Variants in DMXL2 observed in about 807,000 individuals in gnomAD.
DMXL2 encodes the protein dmX-like protein 2.
A neutral mutation model predicts 331.1 loss-of-function variants in DMXL2; 103 were observed. The ratio of observed to expected loss-of-function variants is 0.31; its 90% CI spans 0.27 to 0.37. The LOEUF (loss-of-function observed/expected upper bound fraction) is 0.37, where lower values mean the gene tolerates loss of function less well. Among genes scored for constraint, DMXL2 ranks in the 10% least tolerant of loss-of-function variants. The pLI, the probability that DMXL2 is intolerant of heterozygous loss-of-function variation, is 1.00. For missense variants in DMXL2, 3,171 were observed against 3,642.9 expected (o/e 0.87, Z 3.33); for synonymous variants, 1,281 against 1,252.1 (o/e 1.02, Z -0.49).
At position 51,606,247 on chromosome 15, in the gene DMXL2, G is replaced by A. The variant is rs562812324; in HGVS notation, c.87+16212C>T. Among the ~76,000 whole-genome samples the A allele has an allele frequency of 7.9e-5, 12 of 152,152 alleles. No homozygotes were observed. The South Asian group carries it at 1.7e-3, about 21-fold the overall frequency. The stretch of plus-strand genomic sequence containing the variant: ...GTGAGATGGGAGTTTTGTTCTTGTC[G>A]CCCAGGCTGGAGTGCAGTGGCGCGA... On this transcript the variant is annotated intron_variant, in intron 1 of 43. Transcript: ENST00000560891.
chr15:51,483,198 C>T (rs1046647737), intron 23 of DMXL2, among the ~76,000 whole-genome samples: 31 of 152,326 alleles, frequency 2.0e-4, no homozygotes, highest in Middle Eastern at 6.8e-3. Flanking sequence ...GGCACTGACC[C>T]AGATTAGGAG....
At chr15:51,460,619 T>C (rs774898507) in intron 33 of DMXL2, 15 of 153,918 alleles carry the variant, frequency 9.7e-5, no homozygotes, top group Non-Finnish European at 1.9e-4. Context: ...GCACCCAGCA[T>C]TTTTAGGATT....
chr15:51,563,989 G>T, intron 5 of DMXL2, 136 bp downstream of exon 5: 1 of 874,058 alleles, frequency 1.1e-6, no homozygotes, highest in Non-Finnish European at 1.7e-6. Flanking sequence ...ATGGGTTTTG[G>T]TTAGAAAAAA....
chr15:51,548,207 C>A (rs2048997174), intron 6 of DMXL2, among the ~76,000 whole-genome samples: 1 of 152,030 alleles, frequency 6.6e-6, no homozygotes, highest in Admixed American at 6.6e-5. Context: ...ATAAAAACTG[C>A]ATTAAAGGGA....
intron 1 of DMXL2, among the ~76,000 whole-genome samples, chr15:51,577,871 A>G (rs2051150872): frequency 6.6e-6 from 1 of 152,188 alleles, no homozygotes; most frequent in African/African-American, 2.4e-5. Flanking sequence ...AATGAAGCAA[A>G]TAATACTTGT....
At chr15:51,616,969 C>T (rs1297552899) in intron 1 of DMXL2, among the ~76,000 whole-genome samples, 1 of 145,228 alleles carries the variant, frequency 6.9e-6, no homozygotes, top group Non-Finnish European at 1.5e-5. Flanking sequence ...AACTGACAAG[C>T]TAGAGAAGTC....
At chr15:51,495,285 CAA>C (rs1354230510) in intron 18 of DMXL2, 151 bp from the exon 19 acceptor site, 6 of 425,396 alleles carry the variant, frequency 1.4e-5, no homozygotes, top group African/African-American at 1.0e-4. Context: ...AACGTCTTTA[CAA>C]AAAATTATCT....
intron 6 of DMXL2, among the ~76,000 whole-genome samples, chr15:51,552,829 ACTC>A (rs2049305608): frequency 6.6e-6 from 1 of 152,070 alleles, no homozygotes; most frequent in Non-Finnish European, 1.5e-5. Flanking sequence ...TTGCCAGAGA[ACTC>A]CTGACTGTCT....
In DMXL2 at chr15:51,605,795, G is replaced by A. The variant is rs868849914; in HGVS notation, c.87+16664C>T. ...CCTGACCTCATGATCCACCCGCCTC[G>A]GCCTCCCAAAGTGCTGGGATTACAG... On this transcript the variant is annotated intron_variant, in intron 1 of 43. Transcript: ENST00000560891. Among the ~76,000 whole-genome samples the A allele has an allele frequency of 1.8e-3, 78 of 42,432 alleles. 17 individuals carry two copies. Among genetic ancestry groups the A allele is most frequent in the African/African-American group, 4.9e-3 (73 of 14,948 alleles). 27.8% of individuals were successfully genotyped at this position (42,432 alleles called of 152,430 possible).
At chr15:51,509,625 G>A (rs2046630256) in intron 15 of DMXL2, among the ~76,000 whole-genome samples, 1 of 152,106 alleles carries the variant, frequency 6.6e-6, no homozygotes, top group South Asian at 2.1e-4. Context: ...TCTACCAGAG[G>A]TACAAAGAGG....
chr15:51,532,562 T>A (rs960962041), intron 13 of DMXL2, among the ~76,000 whole-genome samples: 1 of 152,194 alleles, frequency 6.6e-6, no homozygotes, highest in African/African-American at 2.4e-5. Context: ...AGGATAAATG[T>A]ATGCGGTGAT....
At chr15:51,571,731 A>G (rs1290598941) in intron 2 of DMXL2, among the ~76,000 whole-genome samples, 2 of 152,242 alleles carry the variant, frequency 1.3e-5, no homozygotes, top group East Asian at 3.8e-4. Context: ...ATGTTCTCTG[A>G]AACCAATGAG....
At chr15:51,556,544 A>G (rs559011664) in intron 6 of DMXL2, among the ~76,000 whole-genome samples, 9 of 151,890 alleles carry the variant, frequency 5.9e-5, no homozygotes, top group African/African-American at 2.2e-4. Context: ...AGGCCGAGGC[A>G]GGTGGATCAT....
At chr15:51,513,011 G>A (rs1373158264) in intron 15 of DMXL2, among the ~76,000 whole-genome samples, 1 of 151,992 alleles carries the variant, frequency 6.6e-6, no homozygotes, top group Non-Finnish European at 1.5e-5. Context: ...ACAAAATAAA[G>A]CAGAGGCAGA....
chr15:51,577,808 C>T (rs944433240), intron 1 of DMXL2, among the ~76,000 whole-genome samples: 7 of 152,120 alleles, frequency 4.6e-5, no homozygotes, highest in African/African-American at 1.7e-4. Context: ...TTATGCCATG[C>T]TGTGCTATCT....
chr15:51,450,062 G>T (rs2038998533), intron 43 of DMXL2, 67 bp downstream of exon 43: 1 of 1,385,274 alleles, frequency 7.2e-7, no homozygotes. Flanking sequence ...TTCAAAGAAT[G>T]TGGAGTTTTT....
At chr15:51,575,971 A>C in intron 2 of DMXL2, 85 bp downstream of exon 2, 6 of 1,361,532 alleles carry the variant, frequency 4.4e-6, no homozygotes, top group Non-Finnish European at 6.1e-6. Context: ...AATTATACGC[A>C]AGCTTTGCAT....
chr15:51,456,072 G>A lies in DMXL2; in HGVS notation c.8520C>T (p.Gly2840=). The change falls in exon 39 of 44, where the codon GGC becomes GGT. Residue 2840 remains glycine (G), a synonymous_variant. Coordinates refer to ENST00000560891, the MANE Select transcript of DMXL2 (RefSeq NM_001378457.1). ...GTAGCCCCCAGAAACTAACCTTGTT[G>A]CCTTGTGAATTAAAATATAATCTAG... is the stretch of plus-strand genomic sequence containing the variant. The part of the protein sequence containing the change: ...RVTRLYFNSQ[G]NKCGVADGEG... 2 of 1,614,042 alleles carry A rather than the reference G, an allele frequency of 1.2e-6. No homozygotes were observed. The highest frequency in any genetic ancestry group is 1.7e-6 in the Non-Finnish European group (2 of 1,179,994).
chr15:51,569,171 A>G (rs1035034996), intron 2 of DMXL2, among the ~76,000 whole-genome samples: 1 of 152,230 alleles, frequency 6.6e-6, no homozygotes, highest in Non-Finnish European at 1.5e-5. Flanking sequence ...CACGGAGCCC[A>G]GCAAGCTAAG....
Sources: allele counts gnomAD v4.1 joint callset (sites outside exome capture counted in the v4.1 genomes callset), GRCh38; gene constraint gnomAD v4.1.1; transcripts MANE v1.5; gene names NCBI Gene and HGNC (gene_info 2026-07-23, HGNC 2026-07-21).